Variants in PDE4D observed in about 807,000 individuals in gnomAD.
PDE4D encodes the protein 3',5'-cyclic-AMP phosphodiesterase 4D.
PDE4D carries 24 observed loss-of-function variants against 87.4 expected under a neutral mutation model. That is an observed-to-expected ratio of 0.27 (90% CI 0.20 to 0.39). The LOEUF (loss-of-function observed/expected upper bound fraction) is 0.39. Ranked by LOEUF, PDE4D falls within the 10% of genes least tolerant of loss-of-function variation. The probability of loss-of-function intolerance (pLI) is 1.00; values close to 1 mark genes in which losing one functional copy is unlikely to be tolerated. For missense variants in PDE4D, 714 were observed against 1,041.0 expected (o/e 0.69, Z 4.32); for synonymous variants, 384 against 383.2 (o/e 1.00, Z -0.02).
At chr5:59,268,030 A>G (rs974492282) in intron 1 of PDE4D, among the ~76,000 whole-genome samples, 3 of 152,062 alleles carry the variant, frequency 2.0e-5, no homozygotes, top group African/African-American at 7.2e-5. Context: ...GTGGATGCTT[A>G]GTTCAAACTG....
At chr5:60,106,031 G>C (rs4260627) in intron 2 of PDE4D, among the ~76,000 whole-genome samples, 22,457 of 152,042 alleles carry the variant, frequency 0.15, 1,716 homozygotes, top group Middle Eastern at 0.23. Flanking sequence ...TGTAAATAGA[G>C]TAAATGCTCC....
intron 1 of PDE4D, among the ~76,000 whole-genome samples, chr5:60,362,977 A>G (rs921423750): frequency 1.3e-5 from 2 of 152,154 alleles, no homozygotes; most frequent in African/African-American, 4.8e-5. Flanking sequence ...GTAACCACAG[A>G]GTTTCAGGGT....
chr5:59,019,562 C>T (rs1431710263), intron 6 of PDE4D, among the ~76,000 whole-genome samples: 4 of 152,086 alleles, frequency 2.6e-5, no homozygotes, highest in African/African-American at 9.7e-5. Context: ...CTCCAGAATG[C>T]CCACTACCCT....
intron 2 of PDE4D, among the ~76,000 whole-genome samples, chr5:60,012,848 T>G (rs1428900931): frequency 2.0e-5 from 3 of 152,212 alleles, no homozygotes; most frequent in African/African-American, 7.2e-5. Context: ...ACCAATTTGC[T>G]GCCATCGTAT....
intron 2 of PDE4D, among the ~76,000 whole-genome samples, chr5:60,126,441 C>G (rs777179211): frequency 3.3e-5 from 5 of 151,858 alleles, no homozygotes; most frequent in Non-Finnish European, 7.4e-5. Flanking sequence ...GTATTTATTA[C>G]CACTTCTACC....
chr5:59,825,241 A>G (rs553329676), intron 1 of PDE4D, among the ~76,000 whole-genome samples: 55 of 152,284 alleles, frequency 3.6e-4, no homozygotes, highest in Middle Eastern at 3.4e-3. Flanking sequence ...AAATATCTTT[A>G]TTGTTGAAAA....
intron 2 of PDE4D, among the ~76,000 whole-genome samples, chr5:60,013,465 C>CGT (rs143417338): frequency 2.0e-5 from 3 of 151,738 alleles, no homozygotes; most frequent in Non-Finnish European, 4.4e-5. Flanking sequence ...GTGAGTACCT[C>CGT]GTGTGTGTGT....
chr5:59,140,929 A>G (rs1777799623), intron 5 of PDE4D, among the ~76,000 whole-genome samples: 1 of 152,192 alleles, frequency 6.6e-6, no homozygotes, highest in South Asian at 2.1e-4. Flanking sequence ...TATTCCTTTA[A>G]AGATAAAAAT....
Position 58,974,964 on chromosome 5 carries a change from G to C in PDE4D, c.2130C>G (p.Ser710Arg). 2 of 1,613,318 alleles carry C rather than the reference G, an allele frequency of 1.2e-6. No homozygotes were observed. The highest frequency in any genetic ancestry group is 1.7e-6 in the Non-Finnish European group (2 of 1,179,432). ...TLEDNREWYQ[S>R]TIPQSPSPAP... ...CAGGAGAGGGGCTCTGAGGGATTGT[G>C]CTCTGGTACCATTCACGATTGTCCT... The change falls in exon 15 of 15, where the codon AGC becomes AGG. Residue 710 changes from serine (S) to arginine (R), a missense_variant. Around this residue, in one of 7 missense-constraint regions of PDE4D, gnomAD observed 97 missense variants for 176.9 expected, o/e 0.55. Coordinates refer to ENST00000340635, the MANE Select transcript of PDE4D (RefSeq NM_001104631.2).
chr5:59,765,941 C>T (rs1483992029), intron 1 of PDE4D, among the ~76,000 whole-genome samples: 1 of 152,096 alleles, frequency 6.6e-6, no homozygotes, highest in Non-Finnish European at 1.5e-5. Flanking sequence ...TAATTAGGTA[C>T]AGAATAAACA....
At chr5:60,200,468 G>A (rs1741773024) in intron 1 of PDE4D, among the ~76,000 whole-genome samples, 1 of 146,492 alleles carries the variant, frequency 6.8e-6, no homozygotes, top group African/African-American at 2.4e-5. Flanking sequence ...TAAAGTTTGG[G>A]TGTTTTTCCC....
chr5:59,731,130 C>T (rs1216085558), intron 1 of PDE4D, among the ~76,000 whole-genome samples: 1 of 151,998 alleles, frequency 6.6e-6, no homozygotes, highest in Non-Finnish European at 1.5e-5. Context: ...AAAAAACAAG[C>T]TCCTCAGCTT....
At chr5:59,168,733 A>G (rs1230396507) in intron 5 of PDE4D, among the ~76,000 whole-genome samples, 1 of 152,228 alleles carries the variant, frequency 6.6e-6, no homozygotes, top group Non-Finnish European at 1.5e-5. Context: ...AGATGTCCCT[A>G]GGGAATAACT....
At chr5:59,380,012 T>C (rs1166658747) in intron 1 of PDE4D, among the ~76,000 whole-genome samples, 1 of 152,106 alleles carries the variant, frequency 6.6e-6, no homozygotes, top group African/African-American at 2.4e-5. Flanking sequence ...GAATCCTCAG[T>C]GTCTACTGTT....
At chr5:59,119,287 A>C (rs1308268050) in intron 5 of PDE4D, among the ~76,000 whole-genome samples, 1 of 152,234 alleles carries the variant, frequency 6.6e-6, no homozygotes, top group African/African-American at 2.4e-5. Context: ...ATAAGAATAA[A>C]ATGCATTTTA....
At chr5:59,047,602 A>C (rs1760901435) in intron 5 of PDE4D, among the ~76,000 whole-genome samples, 1 of 152,246 alleles carries the variant, frequency 6.6e-6, no homozygotes, top group Non-Finnish European at 1.5e-5. Context: ...GAAAATCCTA[A>C]GCAGTCCCTG....
At chr5:59,284,044 A>C (rs184807345) in intron 1 of PDE4D, among the ~76,000 whole-genome samples, 7 of 152,274 alleles carry the variant, frequency 4.6e-5, no homozygotes, top group African/African-American at 1.7e-4. Flanking sequence ...CATGCTGTCC[A>C]ATCTGCAATC....
chr5:59,068,376 G>C (rs957344473), intron 5 of PDE4D, among the ~76,000 whole-genome samples: 10 of 151,908 alleles, frequency 6.6e-5, no homozygotes, highest in Admixed American at 6.6e-5. Flanking sequence ...TTATTCATTT[G>C]TTCTTTTGTT....
chr5:59,051,068 C>T (rs1761470691), intron 5 of PDE4D, among the ~76,000 whole-genome samples: 1 of 152,180 alleles, frequency 6.6e-6, no homozygotes, highest in African/African-American at 2.4e-5. Context: ...AGTGAACAAC[C>T]TATGATTTAG....
Sources: gnomAD v4.1 joint callset for allele counts (sites outside exome capture counted in the v4.1 genomes callset) on GRCh38, gnomAD v4.1.1 for gene constraint, gnomAD v4.1.1 regional missense constraint, MANE v1.5 for transcripts, NCBI Gene and HGNC (gene_info 2026-07-23, HGNC 2026-07-21) for gene names.